Variants in TERF1 observed in about 807,000 individuals in gnomAD.
TERF1 encodes the protein telomeric repeat binding factor 1.
In TERF1, 20 loss-of-function variants were observed where a neutral mutation model predicts 55.1. That is an observed-to-expected ratio of 0.36 (90% CI 0.26 to 0.53). TERF1 has a LOEUF of 0.53. Among genes scored for constraint, TERF1 ranks in the 20% least tolerant of loss-of-function variants. TERF1 has a pLI of 0.91. For missense variants in TERF1, 439 were observed against 535.7 expected (o/e 0.82, Z 1.78); for synonymous variants, 168 against 181.2 (o/e 0.93, Z 0.59).
At chr8:73,031,964 A>G in intron 7 of TERF1, 78 bp from the exon 8 acceptor site, 4 of 981,832 alleles carry the variant, frequency 4.1e-6, no homozygotes, top group Non-Finnish European at 6.2e-6. Context: ...AGAACAGATT[A>G]AGGCAAATCA....
intron 1 of TERF1, chr8:73,012,621 G>A (rs543217936): frequency 5.5e-6 from 1 of 182,636 alleles, no homozygotes; most frequent in Admixed American, 5.8e-5. Flanking sequence ...TGCAGTGAGT[G>A]GAGATGCACC....
At chr8:73,023,926 C>T (rs987888993) in intron 4 of TERF1, among the ~76,000 whole-genome samples, 2 of 152,172 alleles carry the variant, frequency 1.3e-5, no homozygotes, top group Non-Finnish European at 2.9e-5. Context: ...TCCAGCAATT[C>T]CACTTCTAGA....
At chr8:73,038,789 CATT>C (rs1348756799) in intron 8 of TERF1, 17 of 958,380 alleles carry the variant, frequency 1.8e-5, no homozygotes, top group Non-Finnish European at 2.1e-5. Flanking sequence ...ACTCCTAAAA[CATT>C]ATCGTAAGAA....
chr8:73,037,863 T>A, intron 8 of TERF1, among the ~76,000 whole-genome samples: 1 of 109,678 alleles, frequency 9.1e-6, no homozygotes, highest in Admixed American at 1.3e-4. Context: ...TATATAAATA[T>A]GATATATAAT....
intron 8 of TERF1, among the ~76,000 whole-genome samples, chr8:73,033,031 A>G (rs1435219926): frequency 1.0e-5 from 1 of 98,672 alleles, no homozygotes; most frequent in Non-Finnish European, 1.9e-5. Context: ...CCCCCCTGAG[A>G]TTTTTAATAT....
At chr8:73,024,745 AAAT>A (rs1267768598) in intron 4 of TERF1, 74 bp from the exon 5 acceptor site, 1 of 1,061,624 alleles carries the variant, frequency 9.4e-7, no homozygotes, top group African/African-American at 1.7e-5. Context: ...CTTTTCAATT[AAAT>A]AATATGTGAC....
chr8:73,041,933 G>C (rs1809848448), intron 9 of TERF1, among the ~76,000 whole-genome samples: 1 of 152,152 alleles, frequency 6.6e-6, no homozygotes, highest in South Asian at 2.1e-4. Context: ...ATTGGCTCCA[G>C]CTGTGAGCTT....
intron 3 of TERF1, 68 bp from the exon 4 acceptor site, chr8:73,022,148 T>C (rs569185919): frequency 2.1e-6 from 2 of 940,062 alleles, no homozygotes; most frequent in African/African-American, 3.5e-5. Context: ...ACCTGAGTTA[T>C]CTTAATAATT....
At chr8:73,040,889 C>T (rs1473226996) in intron 9 of TERF1, among the ~76,000 whole-genome samples, 1 of 152,076 alleles carries the variant, frequency 6.6e-6, no homozygotes, top group Non-Finnish European at 1.5e-5. Context: ...TGCTTATGAG[C>T]CCATCAGAGG....
At chr8:73,018,660 A>G (rs1162077798) in intron 2 of TERF1, among the ~76,000 whole-genome samples, 1 of 152,234 alleles carries the variant, frequency 6.6e-6, no homozygotes, top group Non-Finnish European at 1.5e-5. Context: ...TGGTCAAAAG[A>G]GCAAAGCACT....
At chr8:73,013,517 A>G (rs1808362376) in intron 1 of TERF1, among the ~76,000 whole-genome samples, 1 of 152,238 alleles carries the variant, frequency 6.6e-6, no homozygotes, top group Non-Finnish European at 1.5e-5. Context: ...TAAGCTAAAC[A>G]GACTCACTTA....
At position 73,030,506 on chromosome 8, in the gene TERF1, A is replaced by G; in HGVS notation, c.947+111A>G. On this transcript the variant is annotated intron_variant, in intron 7 of 9. Transcript: ENST00000276603. ...AATGGTACAATTGAAAGAATATCTC[A>G]GGGTCCTAGTTAGCCCAACAGATAG... 7 of 683,154 alleles carry G rather than the reference A, an allele frequency of 1.0e-5. No individual in the cohort carries two copies. In the South Asian group the frequency reaches 2.1e-4, roughly 21 times the overall value. 42.3% of individuals were successfully genotyped at this position (683,154 alleles called of 1,614,324 possible).
intron 1 of TERF1, chr8:73,012,958 A>G (rs1442173774): frequency 2.2e-6 from 1 of 455,782 alleles, no homozygotes; most frequent in African/African-American, 2.0e-5. Context: ...TTGTGTTTAA[A>G]TTCTATATAA....
In TERF1 at chr8:73,008,919, C is replaced by A; in HGVS notation, c.33C>A (p.Ser11Arg). The A allele has an allele frequency of 6.2e-7, 1 of 1,611,426 alleles. No homozygotes were observed. The highest frequency in any genetic ancestry group is 8.5e-7 in the Non-Finnish European group (1 of 1,179,066). MAEDVSSAAP[S>R]PRGCADGRDA... is the part of the protein sequence containing the mutation. ...AGGATGTTTCCTCAGCGGCCCCGAG[C>A]CCGCGGGGCTGTGCGGATGGTAGGG... Residue 11 changes from serine to arginine, a missense_variant, in exon 1 of 10, where the codon AGC becomes AGA. Physicochemically the swap from Ser to Arg is moderately radical, Grantham distance 110. Transcript: ENST00000276603.
chr8:73,035,775 T>C (rs1346091046), intron 8 of TERF1, among the ~76,000 whole-genome samples: 1 of 152,198 alleles, frequency 6.6e-6, no homozygotes, highest in Non-Finnish European at 1.5e-5. Context: ...TTTTCCTGAC[T>C]GGAACACACC....
intron 8 of TERF1, among the ~76,000 whole-genome samples, chr8:73,038,022 A>G (rs1203918832): frequency 1.4e-5 from 2 of 146,868 alleles, no homozygotes; most frequent in African/African-American, 2.5e-5. Flanking sequence ...ACCTGCGAAT[A>G]TAGAAGGCCA....
intron 6 of TERF1, among the ~76,000 whole-genome samples, chr8:73,029,334 T>G (rs1282884840): frequency 6.6e-6 from 1 of 152,190 alleles, no homozygotes; most frequent in Non-Finnish European, 1.5e-5. Context: ...CTTACAAAAA[T>G]GGTGTAATAG....
At chr8:73,039,830 T>C (rs1809760559) in intron 9 of TERF1, among the ~76,000 whole-genome samples, 1 of 150,032 alleles carries the variant, frequency 6.7e-6, no homozygotes, top group South Asian at 2.1e-4. Context: ...CCCCTTTTTT[T>C]TGTAGAGATG....
At chr8:73,028,020 T>C (rs1157437689) in intron 6 of TERF1, among the ~76,000 whole-genome samples, 1 of 152,200 alleles carries the variant, frequency 6.6e-6, no homozygotes, top group Non-Finnish European at 1.5e-5. Flanking sequence ...TGTACTTTTT[T>C]CTAAACTCCA....
Sources: gnomAD v4.1 joint callset for allele counts (sites outside exome capture counted in the v4.1 genomes callset) on GRCh38, gnomAD v4.1.1 for gene constraint, MANE v1.5 for transcripts, NCBI Gene and HGNC (gene_info 2026-07-23, HGNC 2026-07-21) for gene names.